ADAM23: variants seen among roughly 807,000 people sequenced by gnomAD.
The protein encoded by ADAM23 is disintegrin and metalloproteinase domain-containing protein 23.
Under a neutral mutation model 120.1 loss-of-function variants are expected in ADAM23, and 33 were observed. The observed-to-expected ratio is 0.27, with a 90% CI of 0.21 to 0.37. The LOEUF (loss-of-function observed/expected upper bound fraction) is 0.37. ADAM23 is among the 10% of genes least tolerant of loss of function. The pLI is 1.00. For synonymous variants in ADAM23, 367 were observed against 375.2 expected (o/e 0.98, Z 0.25); for missense variants, 862 against 1,058.2 (o/e 0.81, Z 2.57).
chr2:206,535,987 A>G (rs1697164471), intron 4 of ADAM23, among the ~76,000 whole-genome samples: 1 of 152,240 alleles, frequency 6.6e-6, no homozygotes. Flanking sequence ...ATATCTAAAT[A>G]ACAACAACAA....
chr2:206,451,961 C>T (rs1454021653), intron 2 of ADAM23, among the ~76,000 whole-genome samples: 1 of 152,142 alleles, frequency 6.6e-6, no homozygotes, highest in Non-Finnish European at 1.5e-5. Flanking sequence ...CAATGACAAC[C>T]ACATGAAGAT....
intron 24 of ADAM23, among the ~76,000 whole-genome samples, chr2:206,600,923 TTTC>T (rs140266292): frequency 1.3e-5 from 2 of 152,350 alleles, no homozygotes; most frequent in East Asian, 1.9e-4. Context: ...GCAAAAACCC[TTTC>T]TTAAGTTTAT....
chr2:206,577,470 A>T (rs1202268512), intron 18 of ADAM23, among the ~76,000 whole-genome samples: 1 of 135,432 alleles, frequency 7.4e-6, no homozygotes. Context: ...TGTCCATGTG[A>T]TCTCATTGTT....
chr2:206,569,774 C>T (rs1452988131), intron 15 of ADAM23, among the ~76,000 whole-genome samples: 3 of 152,162 alleles, frequency 2.0e-5, no homozygotes, highest in East Asian at 1.9e-4. Flanking sequence ...GCCTGGAAAC[C>T]TTTGCTTTTC....
At chr2:206,587,283 C>T (rs374756859) in intron 18 of ADAM23, 42 bp from the exon 19 acceptor site, 4 of 1,464,914 alleles carry the variant, frequency 2.7e-6, no homozygotes, top group Admixed American at 1.8e-5. Flanking sequence ...TCTGAAGGTA[C>T]CTAGCATGCT....
At chr2:206,522,203 T>C (rs1574511370) in intron 3 of ADAM23, among the ~76,000 whole-genome samples, 1 of 152,140 alleles carries the variant, frequency 6.6e-6, no homozygotes, top group East Asian at 1.9e-4. Context: ...ACTATATTTG[T>C]ACACATATAA....
intron 2 of ADAM23, among the ~76,000 whole-genome samples, chr2:206,463,248 G>T (rs1695463173): frequency 6.6e-6 from 1 of 152,090 alleles, no homozygotes; most frequent in East Asian, 1.9e-4. Flanking sequence ...TATCTGGGTG[G>T]GCCCAGTGTA....
intron 1 of ADAM23, 30 bp from the exon 2 acceptor site, chr2:206,445,277 T>C (rs1176867880): frequency 6.5e-7 from 1 of 1,539,836 alleles, no homozygotes; most frequent in South Asian, 1.1e-5. Flanking sequence ...GTTTGTATTT[T>C]CTGCTCCCCC....
chr2:206,561,063 T>A (rs1450615765), intron 11 of ADAM23, 65 bp from the exon 12 acceptor site: 1 of 1,413,874 alleles, frequency 7.1e-7, no homozygotes, highest in Non-Finnish European at 1.0e-6. Context: ...GGTAGACATA[T>A]TTTGGGAGAG....
chr2:206,489,709 C>T (rs1361146329), intron 3 of ADAM23, among the ~76,000 whole-genome samples: 1 of 152,178 alleles, frequency 6.6e-6, no homozygotes, highest in African/African-American at 2.4e-5. Context: ...GAGATTCAGT[C>T]ACATGCAGGG....
At chr2:206,604,371 A>G (rs938881031) in intron 24 of ADAM23, among the ~76,000 whole-genome samples, 1 of 152,228 alleles carries the variant, frequency 6.6e-6, no homozygotes, top group Admixed American at 6.5e-5. Context: ...GAGGCTTCAT[A>G]TTTTGAATAC....
intron 2 of ADAM23, among the ~76,000 whole-genome samples, chr2:206,447,799 A>G (rs1166576167): frequency 1.3e-5 from 2 of 152,192 alleles, no homozygotes; most frequent in African/African-American, 4.8e-5. Flanking sequence ...GCACATTTTA[A>G]TGAAAGCCTT....
At chr2:206,490,571 G>T (rs1382366353) in intron 3 of ADAM23, among the ~76,000 whole-genome samples, 1 of 152,144 alleles carries the variant, frequency 6.6e-6, no homozygotes, top group Non-Finnish European at 1.5e-5. Flanking sequence ...CCCCAAAGTT[G>T]CTGTAAATAT....
intron 21 of ADAM23, among the ~76,000 whole-genome samples, chr2:206,590,371 T>A (rs1301940034): frequency 6.6e-6 from 1 of 152,210 alleles, no homozygotes; most frequent in Admixed American, 6.5e-5. Context: ...GTGCTGGGAT[T>A]ATGGGCGTGA....
intron 3 of ADAM23, among the ~76,000 whole-genome samples, chr2:206,524,302 T>C (rs952957667): frequency 3.9e-5 from 6 of 152,210 alleles, no homozygotes; most frequent in African/African-American, 9.7e-5. Context: ...GGAACAAAGA[T>C]GTATGGCAAG....
At chr2:206,480,579 T>A (rs1294903105) in intron 2 of ADAM23, among the ~76,000 whole-genome samples, 1 of 152,100 alleles carries the variant, frequency 6.6e-6, no homozygotes, top group Non-Finnish European at 1.5e-5. Context: ...TGAGCTATAA[T>A]AATCTTTAAC....
chr2:206,511,296 T>C (rs1696617263), intron 3 of ADAM23, among the ~76,000 whole-genome samples: 1 of 152,230 alleles, frequency 6.6e-6, no homozygotes, highest in Non-Finnish European at 1.5e-5. Flanking sequence ...TTCCTCTGTT[T>C]TCTTATGATG....
At chr2:206,601,573 G>T (rs1440262891) in intron 24 of ADAM23, among the ~76,000 whole-genome samples, 4 of 152,036 alleles carry the variant, frequency 2.6e-5, no homozygotes, top group Non-Finnish European at 4.4e-5. Context: ...AGGAGTTCCA[G>T]ACCAGCCTGA....
intron 25 of ADAM23, among the ~76,000 whole-genome samples, chr2:206,614,759 C>A (rs373016444): frequency 2.6e-5 from 4 of 151,776 alleles, no homozygotes; most frequent in East Asian, 3.9e-4. Context: ...TTTGTGGGGG[C>A]CTTTTGATTT....
Sources: allele counts gnomAD v4.1 joint callset (sites outside exome capture counted in the v4.1 genomes callset), GRCh38; gene constraint gnomAD v4.1.1; transcripts MANE v1.5; gene names NCBI Gene and HGNC (gene_info 2026-07-23, HGNC 2026-07-21).